Variants in HECW1 observed in about 807,000 individuals in gnomAD.
The protein encoded by HECW1 is HECT, C2 and WW domain containing E3 ubiquitin protein ligase 1, also known as E3 ubiquitin-protein ligase HECW1.
Under a neutral mutation model 182.3 loss-of-function variants are expected in HECW1, and 61 were observed. The ratio of observed to expected loss-of-function variants is 0.33; its 90% CI spans 0.27 to 0.41. HECW1 has a LOEUF of 0.41. Among genes scored for constraint, HECW1 ranks in the 10% least tolerant of loss-of-function variants. The pLI is 1.00. For synonymous variants in HECW1, 859 were observed against 832.6 expected, an observed-to-expected ratio of 1.03 and a Z score of -0.55; for missense variants, 1,739 against 2,108.9, an observed-to-expected ratio of 0.82 and a Z score of 3.44.
chr7:43,553,343 G>A (rs999909084), intron 28 of HECW1, among the ~76,000 whole-genome samples: 3 of 152,172 alleles, frequency 2.0e-5, no homozygotes, highest in South Asian at 2.1e-4. Flanking sequence ...ACTCAGCCCC[G>A]CAATGCCTCT....
intron 11 of HECW1, among the ~76,000 whole-genome samples, chr7:43,449,720 A>G (rs970328363): frequency 1.3e-5 from 2 of 152,222 alleles, no homozygotes; most frequent in African/African-American, 4.8e-5. Context: ...AAAAGGCCTG[A>G]CCTTTGCCCT....
At chr7:43,287,855 C>T (rs762940548) in intron 3 of HECW1, among the ~76,000 whole-genome samples, 18 of 152,154 alleles carry the variant, frequency 1.2e-4, no homozygotes, top group South Asian at 4.1e-4. Context: ...CTGGATTGTA[C>T]CTGAGGAGTG....
rs142891234 is a variant in HECW1 at position 43,450,014 on chromosome 7, G to A, written c.2399-814G>A. 8.5e-3 allele frequency among the ~76,000 whole-genome samples: 1,301 copies of A among 152,284 alleles called. 16 individuals are homozygous for A. Among genetic ancestry groups the A allele is most frequent in the African/African-American group, 0.029 (1,211 of 41,550 alleles). The stretch of plus-strand genomic sequence containing the variant: ...TGTAGGTTTTCTTTTAATAATCTGA[G>A]GCATGCATCCTGTGGATATAATGTT... On this transcript the variant is annotated intron_variant, in intron 11 of 29. Coordinates refer to ENST00000395891, the MANE Select transcript of HECW1 (RefSeq NM_015052.5).
intron 24 of HECW1, among the ~76,000 whole-genome samples, chr7:43,518,663 GAA>G (rs1471284569): frequency 6.6e-6 from 1 of 151,910 alleles, no homozygotes; most frequent in African/African-American, 2.4e-5. Flanking sequence ...CTTGCAACTT[GAA>G]AAAAAGAGGA....
At chr7:43,113,860 A>G (rs1784836796) in intron 1 of HECW1, 1 of 234,488 alleles carries the variant, frequency 4.3e-6, no homozygotes, top group East Asian at 6.1e-5. Context: ...TTTCAGAGCC[A>G]TGATGCGCGG....
At chr7:43,450,606 C>T (rs370285969) in intron 11 of HECW1, among the ~76,000 whole-genome samples, 2 of 152,042 alleles carry the variant, frequency 1.3e-5, no homozygotes, top group Non-Finnish European at 2.9e-5. Context: ...GACTGTGTGG[C>T]GCAGATCATT....
chr7:43,204,216 C>T (rs1217500301), intron 2 of HECW1, among the ~76,000 whole-genome samples: 1 of 152,134 alleles, frequency 6.6e-6, no homozygotes, highest in Non-Finnish European at 1.5e-5. Context: ...CATTCTTATC[C>T]TGAGGAAATT....
chr7:43,437,665 T>G (rs2076754949), intron 8 of HECW1, among the ~76,000 whole-genome samples: 1 of 152,250 alleles, frequency 6.6e-6, no homozygotes, highest in South Asian at 2.1e-4. Flanking sequence ...AAGTACATTT[T>G]CTTAATTACA....
intron 1 of HECW1, 122 bp from the exon 2 acceptor site, chr7:43,114,035 T>TG (rs1473141602): frequency 2.5e-6 from 1 of 404,842 alleles, no homozygotes; most frequent in Non-Finnish European, 4.6e-6. Context: ...AGAGAGCATG[T>TG]GGGGATTTTC....
intron 5 of HECW1, among the ~76,000 whole-genome samples, chr7:43,325,955 T>C (rs1339223819): frequency 6.6e-6 from 1 of 152,186 alleles, no homozygotes; most frequent in Non-Finnish European, 1.5e-5. Context: ...TCTCAGTCCG[T>C]TGAGGCTGTT....
At chr7:43,355,488 T>C (rs1476611310) in intron 5 of HECW1, among the ~76,000 whole-genome samples, 1 of 152,156 alleles carries the variant, frequency 6.6e-6, no homozygotes, top group Non-Finnish European at 1.5e-5. Flanking sequence ...TTGTTCTTTG[T>C]TTCTATTCTT....
chr7:43,508,426 A>T (rs975719444), intron 23 of HECW1, among the ~76,000 whole-genome samples: 1 of 152,242 alleles, frequency 6.6e-6, no homozygotes, highest in African/African-American at 2.4e-5. Flanking sequence ...TATCTAATTT[A>T]AAAAACTCTT....
chr7:43,294,109 G>A (rs1454343653), intron 3 of HECW1, among the ~76,000 whole-genome samples: 3 of 152,164 alleles, frequency 2.0e-5, no homozygotes, highest in Non-Finnish European at 2.9e-5. Context: ...TTTGGGGACC[G>A]CTGCTGCAGG....
intron 2 of HECW1, among the ~76,000 whole-genome samples, chr7:43,168,221 A>G (rs976731536): frequency 3.3e-5 from 5 of 152,172 alleles, no homozygotes; most frequent in Admixed American, 6.6e-5. Flanking sequence ...GAATCATGGG[A>G]TGCTATCTTA....
intron 24 of HECW1, among the ~76,000 whole-genome samples, chr7:43,539,309 C>T (rs1229233017): frequency 1.3e-5 from 2 of 152,128 alleles, no homozygotes; most frequent in African/African-American, 2.4e-5. Flanking sequence ...TTTCTGATTT[C>T]TGGAACTGTT....
chr7:43,290,954 A>T (rs1384465095), intron 3 of HECW1, among the ~76,000 whole-genome samples: 1 of 152,226 alleles, frequency 6.6e-6, no homozygotes, highest in Non-Finnish European at 1.5e-5. Flanking sequence ...GTTTCCATCA[A>T]GAGAAGACTG....
At chr7:43,126,960 T>C (rs1786319029) in intron 2 of HECW1, among the ~76,000 whole-genome samples, 1 of 152,180 alleles carries the variant, frequency 6.6e-6, no homozygotes, top group Admixed American at 6.5e-5. Context: ...CGGGCCACCC[T>C]ATTCCCTGAG....
chr7:43,482,124 C>G (rs1011314505), intron 17 of HECW1, among the ~76,000 whole-genome samples: 7 of 152,176 alleles, frequency 4.6e-5, no homozygotes, highest in African/African-American at 1.4e-4. Flanking sequence ...TATGCCCATC[C>G]TCTCTCTTCT....
chr7:43,221,536 G>A (rs1465515903), intron 2 of HECW1, among the ~76,000 whole-genome samples: 2 of 79,848 alleles, frequency 2.5e-5, no homozygotes, highest in Non-Finnish European at 5.4e-5. Context: ...AGAGGAATTA[G>A]GTTTTTTTTT....
Sources: allele counts gnomAD v4.1 joint callset (sites outside exome capture counted in the v4.1 genomes callset), GRCh38; gene constraint gnomAD v4.1.1; transcripts MANE v1.5; gene names NCBI Gene and HGNC (gene_info 2026-07-23, HGNC 2026-07-21).